ZNF497: variants seen among roughly 807,000 people sequenced by gnomAD.
The protein encoded by ZNF497 is zinc finger-like protein.
For synonymous variants in ZNF497, 422 were observed against 313.7 expected (o/e 1.35, Z -3.65); for missense variants, 930 against 714.0 (o/e 1.30, Z -3.45).
rs2148005412 is a variant in ZNF497 at position 58,356,500 on chromosome 19, G to A, written c.1136C>T (p.Thr379Met). Residue 379 changes from threonine to methionine, a missense_variant, in exon 3 of 3, where the codon ACG (threonine) becomes ATG (methionine). Coordinates refer to ENST00000311044, the MANE Select transcript of ZNF497 (RefSeq NM_198458.3). ...QRSNLLSHRR[T>M]HSGAKPFACA... is the part of the protein sequence containing the mutation. ...GGCGAAGGGCTTGGCGCCCGAGTGC[G>A]TGCGCCGGTGGCTCAGTAGGTTGGA... 1 of 1,547,314 alleles carries A rather than the reference G, an allele frequency of 6.5e-7. No homozygotes were observed. The highest frequency in any genetic ancestry group is 8.7e-7 in the Non-Finnish European group (1 of 1,152,366).
chr19:58,359,599 C>CT (rs1405516113), intron 1 of ZNF497: 2 of 388,026 alleles, frequency 5.2e-6, no homozygotes, highest in African/African-American at 4.1e-5. Context: ...CACAGAACAA[C>CT]TAAGACAGAG....
chr19:58,357,620 C>G lies in ZNF497; in HGVS notation c.16G>C (p.Gly6Arg). 2 of 1,527,664 alleles carry G rather than the reference C, an allele frequency of 1.3e-6. No individual in the cohort carries two copies. The highest frequency in any genetic ancestry group is 1.8e-6 in the Non-Finnish European group (2 of 1,140,738). 94.6% of individuals were successfully genotyped at this position (1,527,664 alleles called of 1,614,324 possible). ...TCTGGGGCCACCTGCAGGGTCCACC[C>G]TCTTGGGGACTCCATCTCGCGCCTG... The part of the protein sequence containing the change: MESPR[G>R]WTLQVAPEEG... Residue 6 changes from glycine (G) to arginine (R), a missense_variant, in exon 3 of 3, where the codon GGG (glycine) becomes CGG (arginine). Transcript: ENST00000311044.
At chr19:58,358,161 C>T in intron 2 of ZNF497, 1 of 1,286,184 alleles carries the variant, frequency 7.8e-7, no homozygotes. Flanking sequence ...CCCCTCCACA[C>T]AGTATGGGCA....
chr19:58,361,732 G>A (rs1158328830), intron 1 of ZNF497, among the ~76,000 whole-genome samples: 8 of 152,158 alleles, frequency 5.3e-5, no homozygotes, highest in Admixed American at 5.2e-4. Flanking sequence ...GTTACTGCAT[G>A]TGAATTTATA....
chr19:58,356,246 G>A lies in ZNF497; in HGVS notation c.1390C>T (p.His464Tyr). ...KSELLSHRRT[H>Y]TGERPYACGE... ...CAAGCGTAGGGCCTCTCGCCCGTGTGCGTGCGCCGGTGGCTTAAGAGCTCC... is the reference window on the plus strand; with the variant it reads ...CAAGCGTAGGGCCTCTCGCCCGTGTACGTGCGCCGGTGGCTTAAGAGCTCC... Residue 464 changes from histidine to tyrosine, a missense_variant, in exon 3 of 3, where the codon CAC becomes TAC. Transcript: ENST00000311044. 1 of 1,606,674 alleles carries A rather than the reference G, an allele frequency of 6.2e-7. No homozygotes were observed. The highest frequency in any genetic ancestry group is 8.5e-7 in the Non-Finnish European group (1 of 1,177,204).
At chr19:58,358,143 T>G in intron 2 of ZNF497, 3 of 1,262,982 alleles carry the variant, frequency 2.4e-6, no homozygotes, top group Non-Finnish European at 3.1e-6. Context: ...GCCGGATCCC[T>G]GGGTAGTCCC....
chr19:58,360,328 C>G (rs546532590), intron 1 of ZNF497, among the ~76,000 whole-genome samples: 1 of 152,132 alleles, frequency 6.6e-6, no homozygotes, highest in Non-Finnish European at 1.5e-5. Context: ...ACCACCCAAT[C>G]CCAAAAGCTT....
At chr19:58,358,005 GC>G in intron 2 of ZNF497, 1 of 1,242,662 alleles carries the variant, frequency 8.0e-7, no homozygotes, top group Non-Finnish European at 1.0e-6. Context: ...ACAGGGTGGG[GC>G]CCCAAGTGTC....
In ZNF497 at chr19:58,356,815, T is replaced by C. The variant is rs1179398032; in HGVS notation, c.821A>G (p.His274Arg). ...HLKIHAGARP[H>R]ACPDCGKAFV... ...GGCCTTGCCGCAGTCGGGACAGGCG[T>C]GTGGCCGTGCGCCCGCGTGGATCTT... is the stretch of plus-strand genomic sequence containing the variant. Residue 274 changes from histidine to arginine, a missense_variant, in exon 3 of 3, where the codon CAC becomes CGC. By Grantham distance (29) the His-to-Arg change is conservative. Coordinates refer to ENST00000311044, the MANE Select transcript of ZNF497 (RefSeq NM_198458.3). The C allele has an allele frequency of 5.8e-6, 9 of 1,564,024 alleles. No individual in the cohort carries two copies. Among genetic ancestry groups the C allele is most frequent in the Non-Finnish European group, 7.7e-6 (9 of 1,162,408 alleles).
Position 58,356,177 on chromosome 19 carries a change from C to G in ZNF497, c.1459G>C (p.Glu487Gln), listed in dbSNP as rs893442801. The G allele has an allele frequency of 6.3e-7, 1 of 1,586,214 alleles. No individual in the cohort carries two copies. Among genetic ancestry groups the G allele is most frequent in the Non-Finnish European group, 8.6e-7 (1 of 1,164,352 alleles). ...CGGCCCCCGTGCCGCTTCTGGTGCT[C>G]GTTGAGGTTGCAACGGTGGCTGAAA... is the stretch of plus-strand genomic sequence containing the variant. ...KPFSHRCNLN[E>Q]HQKRHGGRAA... The change falls in exon 3 of 3, where the codon GAG becomes CAG. Residue 487 changes from glutamate (E) to glutamine (Q), a missense_variant. Coordinates refer to ENST00000311044, the MANE Select transcript of ZNF497 (RefSeq NM_198458.3).
At chr19:58,362,115 C>T (rs575853875) in intron 1 of ZNF497, among the ~76,000 whole-genome samples, 2 of 152,358 alleles carry the variant, frequency 1.3e-5, no homozygotes, top group South Asian at 2.1e-4. Context: ...GCGTCAGTCC[C>T]AGCGCCCACG....
chr19:58,357,672 A>G (rs2067095577), intron 2 of ZNF497, 23 bp from the exon 3 acceptor site: 2 of 1,505,036 alleles, frequency 1.3e-6, no homozygotes, highest in Admixed American at 2.3e-5. Context: ...AGAAAAGGCA[A>G]GTACCTTAGA....
chr19:58,356,949 CCAG>C lies in ZNF497; in HGVS notation c.684_686del (p.Ser228_Trp229delinsArg), dbSNP rs769432824. ...GCCGGTGCTCCAGGAAATTGGAGTT[CCAG>C]CTGAAGGCCTTGCCGCACTCCGGGC... On this transcript the variant is annotated inframe_deletion, in exon 3 of 3. Transcript: ENST00000311044. 85 of 1,603,514 alleles carry C rather than the reference CCAG, an allele frequency of 5.3e-5. No individual in the cohort carries two copies. Among genetic ancestry groups the C allele is most frequent in the Non-Finnish European group, 6.9e-5 (81 of 1,177,396 alleles).
At chr19:58,361,554 A>G (rs1009906303) in intron 1 of ZNF497, among the ~76,000 whole-genome samples, 2 of 151,638 alleles carry the variant, frequency 1.3e-5, no homozygotes, top group African/African-American at 4.8e-5. Context: ...ATGGGGTTTC[A>G]CCATGTTGCT....
At chr19:58,357,751 C>G (rs957213706) in intron 2 of ZNF497, 102 bp from the exon 3 acceptor site, 18 of 1,278,312 alleles carry the variant, frequency 1.4e-5, no homozygotes, top group Admixed American at 3.0e-5. Context: ...ATCCCCCACT[C>G]TTCTCCTCCA....
chr19:58,359,414 G>A, intron 1 of ZNF497: 1 of 495,986 alleles, frequency 2.0e-6, no homozygotes, highest in Non-Finnish European at 3.8e-6. Context: ...ATGGAAGAAT[G>A]GGGGTATCGG....
chr19:58,359,320 G>A (rs1312739687), intron 1 of ZNF497: 2 of 1,235,788 alleles, frequency 1.6e-6, no homozygotes, highest in Non-Finnish European at 2.1e-6. Context: ...TACTTTCTCT[G>A]CAGCTGGAAA....
chr19:58,358,836 A>C, intron 1 of ZNF497: 1 of 457,216 alleles, frequency 2.2e-6, no homozygotes, highest in South Asian at 1.5e-5. Flanking sequence ...GACTGGCCCC[A>C]GTGCTGGCTC....
chr19:58,361,760 G>C (rs907684200), intron 1 of ZNF497, among the ~76,000 whole-genome samples: 3 of 152,062 alleles, frequency 2.0e-5, no homozygotes, highest in Admixed American at 6.6e-5. Flanking sequence ...CAAATCAAAA[G>C]TTAAATTTTA....
Sources: gnomAD v4.1 joint callset for allele counts (sites outside exome capture counted in the v4.1 genomes callset) on GRCh38, gnomAD v4.1.1 for gene constraint, MANE v1.5 for transcripts, NCBI Gene and HGNC (gene_info 2026-07-23, HGNC 2026-07-21) for gene names.